Variants in NAALADL2 observed in about 807,000 individuals in gnomAD.
The protein encoded by NAALADL2 is N-acetylated alpha-linked acidic dipeptidase like 2, also known as inactive N-acetylated-alpha-linked acidic dipeptidase-like protein 2.
NAALADL2 carries 76 observed loss-of-function variants against 87.2 expected under a neutral mutation model. The ratio of observed to expected loss-of-function variants is 0.87; its 90% CI spans 0.72 to 1.05. The LOEUF (loss-of-function observed/expected upper bound fraction) is 1.05. NAALADL2 is among the 50% of genes least tolerant of loss of function. NAALADL2 has a pLI of 0.00. For synonymous variants in NAALADL2, 354 were observed against 331.0 expected, an observed-to-expected ratio of 1.07 and a Z score of -0.75; for missense variants, 1,089 against 945.8, an observed-to-expected ratio of 1.15 and a Z score of -1.99.
chr3:175,736,926 A>G (rs1744578885), intron 11 of NAALADL2, among the ~76,000 whole-genome samples: 1 of 152,182 alleles, frequency 6.6e-6, no homozygotes, highest in African/African-American at 2.4e-5. Flanking sequence ...TAGTCCAATA[A>G]CCAGGCATTG....
intron 10 of NAALADL2, among the ~76,000 whole-genome samples, chr3:175,625,125 A>G (rs1214750351): frequency 1.3e-5 from 2 of 152,042 alleles, no homozygotes; most frequent in Admixed American, 1.3e-4. Context: ...AATAAAGCTA[A>G]TGCTAGGACC....
At chr3:174,796,236 A>C (rs531404369) in intron 3 of NAALADL2, among the ~76,000 whole-genome samples, 34 of 152,326 alleles carry the variant, frequency 2.2e-4, no homozygotes, top group African/African-American at 7.5e-4. Context: ...TATTTAAGAA[A>C]ATAACTCTAA....
At chr3:174,974,535 C>T (rs1744109172) in intron 1 of NAALADL2, among the ~76,000 whole-genome samples, 2 of 152,146 alleles carry the variant, frequency 1.3e-5, no homozygotes, top group South Asian at 4.1e-4. Context: ...GTTGTGAAAG[C>T]TCTTAAAACA....
chr3:175,584,256 C>T (rs2149583590), intron 10 of NAALADL2, among the ~76,000 whole-genome samples: 2 of 152,152 alleles, frequency 1.3e-5, no homozygotes, highest in Middle Eastern at 3.4e-3. Flanking sequence ...AGGCCAGTCT[C>T]GAACTCCTGA....
intron 3 of NAALADL2, among the ~76,000 whole-genome samples, chr3:174,796,269 A>G (rs1718072291): frequency 6.6e-6 from 1 of 152,212 alleles, no homozygotes; most frequent in African/African-American, 2.4e-5. Flanking sequence ...CAATTTTGTT[A>G]TATGAGTATA....
intron 3 of NAALADL2, among the ~76,000 whole-genome samples, chr3:174,806,819 T>C (rs1719561954): frequency 6.6e-6 from 1 of 152,172 alleles, no homozygotes; most frequent in Non-Finnish European, 1.5e-5. Flanking sequence ...CTATGACATA[T>C]TTATGTAGTC....
At chr3:175,044,450 G>A (rs1369608362) in intron 1 of NAALADL2, among the ~76,000 whole-genome samples, 4 of 151,990 alleles carry the variant, frequency 2.6e-5, no homozygotes. Context: ...TACATTTATT[G>A]TCTTTCCATC....
chr3:174,931,107 T>C (rs1272654410), intron 1 of NAALADL2, among the ~76,000 whole-genome samples: 2 of 152,104 alleles, frequency 1.3e-5, no homozygotes, highest in Admixed American at 6.6e-5. Context: ...ACTAAACAAG[T>C]ATTTCGGGGC....
chr3:175,439,736 T>G (rs1305669643), intron 5 of NAALADL2, among the ~76,000 whole-genome samples: 3 of 147,458 alleles, frequency 2.0e-5, no homozygotes, highest in Non-Finnish European at 3.0e-5. Flanking sequence ...TTTTTCTTTT[T>G]TTTCTTTTTT....
intron 9 of NAALADL2, among the ~76,000 whole-genome samples, chr3:175,522,916 A>G (rs1582241116): frequency 6.6e-6 from 1 of 152,186 alleles, no homozygotes; most frequent in African/African-American, 2.4e-5. Context: ...ATAAGGTTCA[A>G]TTGCAAGAAA....
chr3:175,717,806 T>TA (rs1741546711), intron 11 of NAALADL2, among the ~76,000 whole-genome samples: 1 of 136,122 alleles, frequency 7.3e-6, no homozygotes, highest in Admixed American at 7.1e-5. Flanking sequence ...AGAGCAGATT[T>TA]TTTTTTTTTT....
chr3:175,181,214 C>A (rs908534232), intron 2 of NAALADL2, among the ~76,000 whole-genome samples: 1 of 152,020 alleles, frequency 6.6e-6, no homozygotes. Context: ...TAGTACCAAA[C>A]CCCCTGAAAT....
chr3:175,586,596 G>A (rs1185257385), intron 10 of NAALADL2, among the ~76,000 whole-genome samples: 5 of 152,240 alleles, frequency 3.3e-5, no homozygotes, highest in Non-Finnish European at 5.9e-5. Context: ...TCTAAATAGT[G>A]CAATGTTTAT....
chr3:175,079,562 A>C (rs902424993), intron 1 of NAALADL2: 2 of 152,206 alleles, frequency 1.3e-5, no homozygotes, highest in African/African-American at 4.8e-5. Context: ...ATGTTTTTGG[A>C]TAAAGGCATC....
chr3:174,698,294 G>A (rs1465238863), intron 2 of NAALADL2, among the ~76,000 whole-genome samples: 1 of 139,224 alleles, frequency 7.2e-6, no homozygotes, highest in African/African-American at 3.0e-5. Context: ...CATGTTGGTG[G>A]TAAACTCTCA....
chr3:175,575,047 C>T (rs2149553309), intron 9 of NAALADL2, among the ~76,000 whole-genome samples: 1 of 151,884 alleles, frequency 6.6e-6, no homozygotes, highest in Admixed American at 6.6e-5. Flanking sequence ...ATTATAAAAC[C>T]CTTTAGTTTG....
At chr3:175,449,341 G>T (rs949146160) in intron 6 of NAALADL2, among the ~76,000 whole-genome samples, 4 of 151,298 alleles carry the variant, frequency 2.6e-5, no homozygotes, top group Non-Finnish European at 5.9e-5. Flanking sequence ...GTCTCCTAAA[G>T]TGCTGGGATT....
intron 3 of NAALADL2, among the ~76,000 whole-genome samples, chr3:174,783,084 G>A (rs531711680): frequency 1.3e-5 from 2 of 152,254 alleles, no homozygotes; most frequent in South Asian, 4.1e-4. Flanking sequence ...TGGACATACA[G>A]ATGTTAAAAA....
At chr3:175,362,126 C>A (rs1765086208) in intron 5 of NAALADL2, among the ~76,000 whole-genome samples, 1 of 148,192 alleles carries the variant, frequency 6.7e-6, no homozygotes, top group Non-Finnish European at 1.5e-5. Flanking sequence ...AATGAGGAAT[C>A]CTTTTCCCAT....
Sources: gnomAD v4.1 joint callset for allele counts (sites outside exome capture counted in the v4.1 genomes callset) on GRCh38, gnomAD v4.1.1 for gene constraint, MANE v1.5 for transcripts, NCBI Gene and HGNC (gene_info 2026-07-23, HGNC 2026-07-21) for gene names.